The following TNS3 variants were observed in gnomAD, a reference collection of about 807,000 sequenced individuals.
TNS3 encodes the protein tensin-3.
TNS3 carries 45 observed loss-of-function variants against 140.9 expected under a neutral mutation model. That is an observed-to-expected ratio of 0.32 (90% CI 0.25 to 0.41). The LOEUF is 0.41. Ranked by LOEUF, TNS3 falls within the 10% of genes least tolerant of loss-of-function variation. TNS3 has a pLI of 1.00. For synonymous variants in TNS3, 815 were observed against 788.4 expected (o/e 1.03, Z -0.56); for missense variants, 1,716 against 1,906.7 (o/e 0.90, Z 1.86).
At position 47,389,004 on chromosome 7, in the gene TNS3, AAG is replaced by A. The variant is rs1792257621; in HGVS notation, c.1024+7794_1024+7795del. 4.9e-3 allele frequency among the ~76,000 whole-genome samples: 276 copies of A among 56,804 alleles called. 51 individuals are homozygous for A. The highest frequency in any genetic ancestry group is 0.014 in the African/African-American group (208 of 15,360). The allele number at this position is 56,804 out of a possible 152,430, so 37.3% of individuals were successfully genotyped here. A position where few individuals can be genotyped will look rare whatever the true frequency, so the allele number is the denominator to read the frequency against. On this transcript the variant is annotated intron_variant, in intron 16 of 30. Transcript: ENST00000311160. The stretch of plus-strand genomic sequence containing the variant: ...CAGCAGAGGAAGAAGAAGAAGAAGG[AAG>A]AAGAAGAAGAAGAAGAAGAAGAAGA...
intron 20 of TNS3, among the ~76,000 whole-genome samples, chr7:47,322,213 C>CAAAAAAA (rs759875153): frequency 3.8e-4 from 19 of 49,888 alleles, no homozygotes; most frequent in African/African-American, 7.8e-4. Flanking sequence ...GTAGAACGGG[C>CAAAAAAA]AAAAAAAAAA....
intron 1 of TNS3, among the ~76,000 whole-genome samples, chr7:47,542,659 C>T (rs186935701): frequency 2.0e-5 from 3 of 152,158 alleles, no homozygotes; most frequent in Admixed American, 2.0e-4. Context: ...CGGCCGAGCA[C>T]GGTGGCTCAA....
chr7:47,481,656 G>A (rs1246466466), intron 3 of TNS3: 56 of 985,184 alleles, frequency 5.7e-5, no homozygotes, highest in Non-Finnish European at 6.7e-5. Flanking sequence ...TGTCAACCTG[G>A]TTATTCCATT....
At chr7:47,337,316 C>T (rs897705510) in intron 20 of TNS3, among the ~76,000 whole-genome samples, 2 of 152,184 alleles carry the variant, frequency 1.3e-5, no homozygotes, top group Admixed American at 1.3e-4. Flanking sequence ...CTCTTGGACA[C>T]CTATCCTGGT....
In TNS3 at chr7:47,291,979, C is replaced by T; in HGVS notation, c.3904G>A (p.Ala1302Thr). The T allele has an allele frequency of 6.2e-7, 1 of 1,614,190 alleles. No homozygotes were observed. Among genetic ancestry groups the T allele is most frequent in the Non-Finnish European group, 8.5e-7 (1 of 1,180,024 alleles). ...CCTGCCCCCTGCTTCAACAGCTCAGCTGCTGAATTGGCTGCCGTCTGGGGA... is the reference window on the plus strand; with the variant it reads ...CCTGCCCCCTGCTTCAACAGCTCAGTTGCTGAATTGGCTGCCGTCTGGGGA... ...SSPQTAANSA[A>T]ELLKQGAACN... The change falls in exon 27 of 31, where the codon GCT (alanine) becomes ACT (threonine). Residue 1302 changes from alanine to threonine, a missense_variant. Coordinates refer to ENST00000311160, the MANE Select transcript of TNS3 (RefSeq NM_022748.12).
chr7:47,428,768 G>C (rs1794783861), intron 8 of TNS3, among the ~76,000 whole-genome samples: 1 of 152,230 alleles, frequency 6.6e-6, no homozygotes, highest in African/African-American at 2.4e-5. Flanking sequence ...GGCTGACAAT[G>C]ATCAGGGCTG....
At chr7:47,306,438 A>G (rs2150736607) in intron 20 of TNS3, among the ~76,000 whole-genome samples, 1 of 152,382 alleles carries the variant, frequency 6.6e-6, no homozygotes, top group South Asian at 2.1e-4. Context: ...CTACCAAGAC[A>G]GAATGAACAT....
chr7:47,354,724 G>A (rs955046000), intron 17 of TNS3, among the ~76,000 whole-genome samples: 10 of 152,200 alleles, frequency 6.6e-5, no homozygotes, highest in Non-Finnish European at 2.9e-5. Flanking sequence ...TGCAGGTGAT[G>A]TGCAGCTTCA....
rs138478728 is a variant in TNS3 at position 47,465,252 on chromosome 7, A to C, written c.-76+15851T>G. On this transcript the variant is annotated intron_variant, in intron 4 of 30. Transcript: ENST00000311160. ...AATAAGACACATTGTAGCACTGCTG[A>C]GGGGCTATCACCCAGATGTCAACGG... 3.7e-3 allele frequency among the ~76,000 whole-genome samples: 561 copies of C among 152,352 alleles called. 7 individuals are homozygous for C. The highest frequency in any genetic ancestry group is 0.013 in the African/African-American group (540 of 41,582).
chr7:47,412,682 C>T (rs1207499839), intron 12 of TNS3, among the ~76,000 whole-genome samples: 1 of 152,240 alleles, frequency 6.6e-6, no homozygotes, highest in Non-Finnish European at 1.5e-5. Flanking sequence ...TCGTAGGACT[C>T]TCTCCAGTAG....
At chr7:47,555,792 C>G (rs528627681) in intron 1 of TNS3, among the ~76,000 whole-genome samples, 1 of 152,368 alleles carries the variant, frequency 6.6e-6, no homozygotes, top group Admixed American at 6.5e-5. Context: ...CTGCCATTTT[C>G]ACACTTAATA....
intron 3 of TNS3, among the ~76,000 whole-genome samples, chr7:47,490,750 C>T (rs1797781026): frequency 6.6e-6 from 1 of 152,234 alleles, no homozygotes; most frequent in Admixed American, 6.5e-5. Context: ...CCCAGTCCCC[C>T]TGTCAGCACC....
At chr7:47,437,087 C>T (rs1305952774) in intron 7 of TNS3, among the ~76,000 whole-genome samples, 176 bp downstream of exon 7, 2 of 151,910 alleles carry the variant, frequency 1.3e-5, no homozygotes, top group African/African-American at 2.4e-5. Flanking sequence ...CAACTTCCTA[C>T]GAATCTCTAA....
chr7:47,439,035 T>G (rs1469324244), intron 6 of TNS3, among the ~76,000 whole-genome samples: 6 of 152,164 alleles, frequency 3.9e-5, no homozygotes, highest in Non-Finnish European at 8.8e-5. Context: ...GACAAGTGTG[T>G]TTTGAAAATC....
At chr7:47,478,817 TG>T (rs1387766277) in intron 4 of TNS3, among the ~76,000 whole-genome samples, 1 of 152,140 alleles carries the variant, frequency 6.6e-6, no homozygotes, top group Non-Finnish European at 1.5e-5. Context: ...ATAACATGCA[TG>T]TATGTGTTCA....
intron 20 of TNS3, among the ~76,000 whole-genome samples, chr7:47,340,344 A>G (rs1788929113): frequency 6.6e-6 from 1 of 150,578 alleles, no homozygotes; most frequent in African/African-American, 2.4e-5. Context: ...GATGGTCTCG[A>G]TCTCTTGACC....
intron 9 of TNS3, 61 bp downstream of exon 9, chr7:47,428,251 C>T: frequency 8.0e-7 from 1 of 1,245,508 alleles, no homozygotes; most frequent in Non-Finnish European, 1.1e-6. Context: ...AGACAGCCTT[C>T]AGCCCCATGC....
chr7:47,414,426 G>A (rs1793960937), intron 11 of TNS3, among the ~76,000 whole-genome samples: 1 of 152,226 alleles, frequency 6.6e-6, no homozygotes, highest in Non-Finnish European at 1.5e-5. Flanking sequence ...GCCTGCATAG[G>A]ACTGGGAAGG....
At chr7:47,513,873 C>T (rs1348947560) in intron 2 of TNS3, among the ~76,000 whole-genome samples, 2 of 152,220 alleles carry the variant, frequency 1.3e-5, no homozygotes, top group East Asian at 1.9e-4. Context: ...CCTTGTCAGA[C>T]GAGGTTTCCA....
Sources: gnomAD v4.1 joint callset for allele counts (sites outside exome capture counted in the v4.1 genomes callset) on GRCh38, gnomAD v4.1.1 for gene constraint, MANE v1.5 for transcripts, NCBI Gene and HGNC (gene_info 2026-07-23, HGNC 2026-07-21) for gene names.